Variants in SLC39A8 observed in about 807,000 individuals in gnomAD.
SLC39A8 encodes solute carrier family 39 member 8, also known as metal cation symporter ZIP8.
In SLC39A8, 15 loss-of-function variants were observed where a neutral mutation model predicts 40.4. The observed-to-expected ratio is 0.37, with a 90% CI of 0.25 to 0.57. The LOEUF (loss-of-function observed/expected upper bound fraction) is 0.57, where lower values mean the gene tolerates loss of function less well. Ranked by LOEUF, SLC39A8 falls within the 20% of genes least tolerant of loss-of-function variation. The pLI, the probability that SLC39A8 is intolerant of heterozygous loss-of-function variation, is 0.75. For synonymous variants in SLC39A8, 223 were observed against 221.6 expected, an observed-to-expected ratio of 1.01 and a Z score of -0.06; for missense variants, 472 against 558.8, an observed-to-expected ratio of 0.84 and a Z score of 1.57.
intron 11 of SLC39A8, among the ~76,000 whole-genome samples, chr4:102,256,428 C>T (rs556623381): frequency 4.6e-4 from 70 of 152,268 alleles, no homozygotes; most frequent in African/African-American, 1.6e-3. Flanking sequence ...CGTGATGATT[C>T]ATGCTTAAGG....
At chr4:102,297,057 A>G (rs1445013576) in intron 6 of SLC39A8, among the ~76,000 whole-genome samples, 3 of 152,122 alleles carry the variant, frequency 2.0e-5, no homozygotes, top group African/African-American at 7.2e-5. Flanking sequence ...CTGTCTCAAA[A>G]AAAATGAATA....
intron 2 of SLC39A8, among the ~76,000 whole-genome samples, chr4:102,317,600 G>A (rs1327179488): frequency 6.6e-6 from 1 of 152,128 alleles, no homozygotes; most frequent in African/African-American, 2.4e-5. Context: ...AAGCATAATT[G>A]CTAGATTCAA....
In SLC39A8 at chr4:102,288,506, A is replaced by C. The variant is rs542633985; in HGVS notation, c.840+15811T>G. 6.6e-5 allele frequency among the ~76,000 whole-genome samples: 10 copies of C among 152,284 alleles called. No individual in the cohort carries two copies. In the South Asian group the frequency reaches 8.3e-4, roughly 13 times the overall value. On this transcript the variant is annotated intron_variant, in intron 6 of 8. Transcript: ENST00000356736. ...AAGGAGAATTGCATGTCTCTCACTT[A>C]AAATCAAAAGATAGAAATGATTAAA...
At position 102,261,868 on chromosome 4, in the gene SLC39A8, C is replaced by G; in HGVS notation, c.*1176G>C. ...AATCATTTTCCTCACCATCAAATCA[C>G]CTTAAGTGACTTGGGAGTGTGAATC... On this transcript the variant is annotated 3_prime_UTR_variant, in exon 9 of 9. Transcript: ENST00000356736. 2.0e-6 allele frequency: 2 copies of G among 985,860 alleles called. No individual in the cohort carries two copies. Among genetic ancestry groups the G allele is most frequent in the Non-Finnish European group, 2.4e-6 (2 of 829,926 alleles). 61.1% of individuals were successfully genotyped at this position (985,860 alleles called of 1,614,324 possible). A position where few individuals can be genotyped will look rare whatever the true frequency, so the allele number is the denominator to read the frequency against.
downstream of SLC39A8, among the ~76,000 whole-genome samples, chr4:102,258,104 G>GTTTTTTTTT (rs752860248): frequency 1.4e-5 from 2 of 146,180 alleles, no homozygotes; most frequent in African/African-American, 5.4e-5. Context: ...AGTGTTTTTT[G>GTTTTTTTTT]TTTTTTGTTT....
rs1362937348 is a variant in SLC39A8, at chr4:102,320,173, ATATATATATATATATATG to A, written c.220-4361_220-4344del. 1.3e-3 allele frequency among the ~76,000 whole-genome samples: 80 copies of A among 63,576 alleles called. 1 individual carries two copies. The highest frequency in any genetic ancestry group is 4.7e-3 in the East Asian group (19 of 4,000). 41.7% of individuals were successfully genotyped at this position (63,576 alleles called of 152,430 possible). A position where few individuals can be genotyped will look rare whatever the true frequency, so the allele number is the denominator to read the frequency against. On this transcript the variant is annotated intron_variant, in intron 2 of 8. Transcript: ENST00000356736. ...TAATCTCTCATATATATATACATAT[ATATATATATATATATATG>A]TATATATATATGTATATATATATGT...
chr4:102,305,301 G>A (rs990659965), intron 4 of SLC39A8, among the ~76,000 whole-genome samples, 190 bp from the exon 5 acceptor site: 1 of 151,848 alleles, frequency 6.6e-6, no homozygotes, highest in African/African-American at 2.4e-5. Flanking sequence ...GTATGAGATG[G>A]CACAAAAACC....
intron 6 of SLC39A8, among the ~76,000 whole-genome samples, chr4:102,282,697 C>T (rs1732952555): frequency 1.3e-5 from 2 of 152,046 alleles, no homozygotes; most frequent in African/African-American, 4.8e-5. Context: ...GCTTCCTCCT[C>T]TATTCTAGTG....
intron 8 of SLC39A8, among the ~76,000 whole-genome samples, chr4:102,265,814 C>T (rs1732073408): frequency 6.6e-6 from 1 of 152,076 alleles, no homozygotes; most frequent in African/African-American, 2.4e-5. Context: ...TGGAATTTAC[C>T]TCATTTTATG....
intron 2 of SLC39A8, among the ~76,000 whole-genome samples, chr4:102,316,679 T>C (rs1346078950): frequency 6.6e-6 from 1 of 152,134 alleles, no homozygotes; most frequent in Admixed American, 6.6e-5. Flanking sequence ...TTAATAAACG[T>C]AATTTAGGCA....
chr4:102,303,373 T>C (rs758046479), intron 6 of SLC39A8, among the ~76,000 whole-genome samples: 3 of 151,916 alleles, frequency 2.0e-5, no homozygotes, highest in Non-Finnish European at 4.4e-5. Flanking sequence ...AGCACTTAGA[T>C]TAGTCTAGAA....
intron 6 of SLC39A8, among the ~76,000 whole-genome samples, chr4:102,271,026 TGAGGAG>T (rs201667134): frequency 2.0e-5 from 3 of 150,134 alleles, no homozygotes; most frequent in African/African-American, 4.9e-5. Context: ...AGAAGTAGCA[TGAGGAG>T]GAGGAGGAGG....
chr4:102,312,205 A>G (rs1240965721), intron 3 of SLC39A8, among the ~76,000 whole-genome samples: 1 of 152,118 alleles, frequency 6.6e-6, no homozygotes. Context: ...TAAACATCTT[A>G]GATGAGTAGT....
chr4:102,273,465 A>C (rs1211315196), intron 6 of SLC39A8, among the ~76,000 whole-genome samples: 2 of 151,356 alleles, frequency 1.3e-5, no homozygotes, highest in South Asian at 2.1e-4. Context: ...TATAGATAAA[A>C]CTCCCATCTC....
At chr4:102,314,558 T>A (rs1419555760) in intron 3 of SLC39A8, among the ~76,000 whole-genome samples, 3 of 152,044 alleles carry the variant, frequency 2.0e-5, no homozygotes, top group Non-Finnish European at 2.9e-5. Flanking sequence ...CTCACTAGGC[T>A]CCAGACACAT....
intron 2 of SLC39A8, among the ~76,000 whole-genome samples, chr4:102,343,211 C>A (rs1244735676): frequency 6.6e-6 from 1 of 152,130 alleles, no homozygotes; most frequent in African/African-American, 2.4e-5. Flanking sequence ...CTCTGACATG[C>A]CATGGCATCA....
chr4:102,306,653 T>C (rs924844298), intron 4 of SLC39A8, among the ~76,000 whole-genome samples: 13 of 152,050 alleles, frequency 8.5e-5, no homozygotes, highest in African/African-American at 2.9e-4. Context: ...GTGTGCATTG[T>C]GGGTGGCAGA....
intron 6 of SLC39A8, among the ~76,000 whole-genome samples, chr4:102,275,305 C>CA (rs1404074740): frequency 2.0e-5 from 3 of 146,848 alleles, no homozygotes; most frequent in Admixed American, 6.7e-5. Context: ...AAAACAAAAA[C>CA]AAAACAAAAA....
At chr4:102,336,082 A>C (rs1385009160) in intron 2 of SLC39A8, among the ~76,000 whole-genome samples, 2 of 152,164 alleles carry the variant, frequency 1.3e-5, no homozygotes, top group Non-Finnish European at 2.9e-5. Flanking sequence ...TGTCTTTTGT[A>C]TTACGTATTA....
Sources: allele counts gnomAD v4.1 joint callset (sites outside exome capture counted in the v4.1 genomes callset), GRCh38; gene constraint gnomAD v4.1.1; transcripts MANE v1.5; gene names NCBI Gene and HGNC (gene_info 2026-07-23, HGNC 2026-07-21).